Variants in SCN11A observed in about 807,000 individuals in gnomAD.
SCN11A encodes sodium channel protein type 11 subunit alpha.
SCN11A carries 122 observed loss-of-function variants against 162.2 expected under a neutral mutation model. The ratio of observed to expected loss-of-function variants is 0.75; its 90% CI spans 0.65 to 0.87. The LOEUF (loss-of-function observed/expected upper bound fraction) is 0.87. SCN11A is among the 40% of genes least tolerant of loss of function. The pLI, the probability that SCN11A is intolerant of heterozygous loss-of-function variation, is 0.00. For missense variants in SCN11A, 2,015 were observed against 2,181.6 expected (o/e 0.92, Z 1.52); for synonymous variants, 758 against 751.5 (o/e 1.01, Z -0.14).
intron 29 of SCN11A, 134 bp downstream of exon 29, chr3:38,850,345 CCT>C: frequency 1.4e-6 from 1 of 739,550 alleles, no homozygotes; most frequent in Non-Finnish European, 2.2e-6. Context: ...CATTAGTACC[CCT>C]GTCTATTCTT....
At chr3:39,051,111 T>C (rs1015173304) in intron 1 of SCN11A, among the ~76,000 whole-genome samples, 1 of 149,634 alleles carries the variant, frequency 6.7e-6, no homozygotes, top group Non-Finnish European at 1.5e-5. Flanking sequence ...TATAACATCT[T>C]TTTGTCTTGT....
intron 16 of SCN11A, among the ~76,000 whole-genome samples, chr3:38,901,128 G>A (rs182180144): frequency 1.3e-5 from 2 of 152,062 alleles, no homozygotes; most frequent in African/African-American, 2.4e-5. Context: ...ACCTATAAAC[G>A]ACTAAATTCG....
chr3:38,847,743 C>A lies in SCN11A; in HGVS notation c.4328-1G>T. ...TTTTCCAAGGTAGAAATCATTGTACCTCAGGAGAAGGAGAAAAGTAAATAA... is the reference window on the plus strand; with the variant it reads ...TTTTCCAAGGTAGAAATCATTGTACATCAGGAGAAGGAGAAAAGTAAATAA... On this transcript the variant is annotated splice_acceptor_variant, in intron 29 of 29. Transcript: ENST00000302328. LOFTEE classifies it high-confidence loss of function. 1 of 1,566,500 alleles carries A rather than the reference C, an allele frequency of 6.4e-7. No homozygotes were observed. Among genetic ancestry groups the A allele is most frequent in the Non-Finnish European group, 8.7e-7 (1 of 1,148,060 alleles).
intron 11 of SCN11A, among the ~76,000 whole-genome samples, chr3:38,916,824 A>C (rs928247179): frequency 6.6e-6 from 1 of 152,184 alleles, no homozygotes; most frequent in East Asian, 1.9e-4. Context: ...CAGGGGAGGA[A>C]GCAGTGACTG....
chr3:39,003,384 G>A (rs2030875009), intron 2 of SCN11A, among the ~76,000 whole-genome samples: 1 of 152,188 alleles, frequency 6.6e-6, no homozygotes, highest in Non-Finnish European at 1.5e-5. Context: ...GGACTGCATA[G>A]TATTCCATGA....
At chr3:38,886,355 A>G (rs1005327182) in intron 19 of SCN11A, 117 bp from the exon 20 acceptor site, 6 of 565,676 alleles carry the variant, frequency 1.1e-5, no homozygotes, top group Non-Finnish European at 1.8e-5. Flanking sequence ...CTTTGACATT[A>G]TTACTCTTTT....
chr3:38,883,115 A>G, intron 22 of SCN11A, 118 bp downstream of exon 22: 1 of 868,230 alleles, frequency 1.2e-6, no homozygotes, highest in Non-Finnish European at 1.8e-6. Context: ...AACCAGCAGC[A>G]TCAGAGACCA....
chr3:39,015,957 G>A (rs568591667), intron 2 of SCN11A, among the ~76,000 whole-genome samples: 15 of 152,154 alleles, frequency 9.9e-5, no homozygotes, highest in African/African-American at 2.9e-4. Flanking sequence ...GGCTGGTCTC[G>A]AACTTCTGAC....
chr3:38,947,721 T>C (rs1203786913), intron 5 of SCN11A, among the ~76,000 whole-genome samples: 2 of 152,220 alleles, frequency 1.3e-5, no homozygotes, highest in Admixed American at 1.3e-4. Context: ...AAGCAGCCCC[T>C]GGACAACAAC....
At chr3:38,967,316 G>A (rs2066789187) in intron 2 of SCN11A, among the ~76,000 whole-genome samples, 1 of 152,152 alleles carries the variant, frequency 6.6e-6, no homozygotes. Context: ...AGTCATAAAG[G>A]GCATTGCAAG....
At chr3:38,957,281 T>G (rs1302674339) in intron 3 of SCN11A, among the ~76,000 whole-genome samples, 2 of 152,070 alleles carry the variant, frequency 1.3e-5, no homozygotes, top group Non-Finnish European at 1.5e-5. Flanking sequence ...GTGGAGACAT[T>G]TTACTTTTAA....
intron 2 of SCN11A, among the ~76,000 whole-genome samples, chr3:38,960,764 A>G (rs7639929): frequency 0.072 from 11,033 of 152,256 alleles, 1,300 homozygotes; most frequent in African/African-American, 0.24. Flanking sequence ...ACTGAGGCCC[A>G]CACAACATGG....
chr3:38,855,253 C>A (rs2064848533), intron 28 of SCN11A, among the ~76,000 whole-genome samples: 1 of 152,174 alleles, frequency 6.6e-6, no homozygotes, highest in South Asian at 2.1e-4. Flanking sequence ...TACTGGCTAT[C>A]CCCCACTTCT....
chr3:38,949,877 C>T (rs992542491), intron 5 of SCN11A, among the ~76,000 whole-genome samples: 2 of 152,106 alleles, frequency 1.3e-5, no homozygotes, highest in African/African-American at 2.4e-5. Flanking sequence ...GTCCCTCATC[C>T]TCATCTTCTC....
chr3:39,005,514 T>G (rs1156632013), intron 2 of SCN11A, among the ~76,000 whole-genome samples: 2 of 152,188 alleles, frequency 1.3e-5, no homozygotes, highest in African/African-American at 4.8e-5. Context: ...CGTGTGAAAG[T>G]GTTTGTGGCT....
intron 25 of SCN11A, 111 bp from the exon 26 acceptor site, chr3:38,870,855 C>G: frequency 2.5e-6 from 2 of 811,362 alleles, no homozygotes; most frequent in Non-Finnish European, 2.1e-6. Flanking sequence ...TAAGATGATA[C>G]CCCAACCTTC....
In SCN11A at chr3:38,883,320, G is replaced by T. The variant is rs35693485; in HGVS notation, c.3132C>A (p.Asn1044Lys). ...CTATTTGGTAGCAGGTTTTCCGCAGGTTCCACCAAATGACCCAGGGAGGCT... is the reference window on the plus strand; with the variant it reads ...CTATTTGGTAGCAGGTTTTCCGCAGTTTCCACCAAATGACCCAGGGAGGCT... ...KRKPPWVIWW[N>K]LRKTCYQIVK... Residue 1044 changes from asparagine to lysine, a missense_variant, in exon 22 of 30, where the codon AAC (asparagine) becomes AAA (lysine). By Grantham distance (94) the Asn-to-Lys change is moderately conservative. Coordinates refer to ENST00000302328, the MANE Select transcript of SCN11A (RefSeq NM_001349253.2). The T allele has an allele frequency of 4.3e-6, 7 of 1,613,950 alleles. No homozygotes were observed. The highest frequency in any genetic ancestry group is 3.3e-5 in the South Asian group (3 of 91,066).
chr3:38,846,066 GTTTT>G lies in SCN11A; in HGVS notation c.*624_*627del, dbSNP rs1172980325. The G allele has an allele frequency of 1.3e-5, 2 of 152,114 alleles. No individual in the cohort carries two copies. Among genetic ancestry groups the G allele is most frequent in the Admixed American group, 1.3e-4 (2 of 15,278 alleles). The allele number at this position is 152,114 out of a possible 1,614,324, so 9.4% of individuals were successfully genotyped here. Reference sequence around the variant, plus strand: ...AAAATACAACTTAAAATTTTAATGTGTTTTTTGTTTCTTATTCTTTTTTGTTTAG... The same window carrying G: ...AAAATACAACTTAAAATTTTAATGTGTTGTTTCTTATTCTTTTTTGTTTAG... On this transcript the variant is annotated 3_prime_UTR_variant, in exon 30 of 30. Transcript: ENST00000302328.
At chr3:39,029,098 T>C (rs2031680381) in intron 2 of SCN11A, among the ~76,000 whole-genome samples, 1 of 152,302 alleles carries the variant, frequency 6.6e-6, no homozygotes, top group Middle Eastern at 3.4e-3. Flanking sequence ...AAATATCCCT[T>C]TACCTGTGTT....
Sources: gnomAD v4.1 joint callset for allele counts (sites outside exome capture counted in the v4.1 genomes callset) on GRCh38, gnomAD v4.1.1 for gene constraint, MANE v1.5 for transcripts, NCBI Gene and HGNC (gene_info 2026-07-23, HGNC 2026-07-21) for gene names.